CYP24A1: variants seen among roughly 807,000 people sequenced by gnomAD.
CYP24A1 encodes the protein cytochrome P450 family 24 subfamily A member 1.
A neutral mutation model predicts 62.4 loss-of-function variants in CYP24A1; 68 were observed. The observed-to-expected ratio is 1.09, with a 90% CI of 0.90 to 1.33. CYP24A1 has a LOEUF of 1.33. Ranked by LOEUF, CYP24A1 falls within the 40% of genes most tolerant of loss-of-function variation. The pLI is 0.00. For missense variants in CYP24A1, 787 were observed against 653.0 expected (o/e 1.21, Z -2.24); for synonymous variants, 267 against 253.0 (o/e 1.06, Z -0.52).
intron 4 of CYP24A1, among the ~76,000 whole-genome samples, chr20:54,166,091 A>G (rs2092670876): frequency 1.3e-5 from 2 of 152,182 alleles, no homozygotes; most frequent in South Asian, 4.1e-4. Context: ...CACTGTCCTG[A>G]TCAAGTCACA....
rs781002878 is a variant in CYP24A1 at position 54,157,175 on chromosome 20, C to G, written c.*4G>C. The G allele has an allele frequency of 2.0e-6, 3 of 1,491,726 alleles. No individual in the cohort carries two copies. The African/African-American group carries it at 4.2e-5, about 21-fold the overall frequency. The allele number at this position is 1,491,726 out of a possible 1,614,324, so 92.4% of individuals were successfully genotyped here. A position where few individuals can be genotyped will look rare whatever the true frequency, so the allele number is the denominator to read the frequency against. On this transcript the variant is annotated 3_prime_UTR_variant, in exon 11 of 12. Coordinates refer to ENST00000216862, the MANE Select transcript of CYP24A1 (RefSeq NM_000782.5). ...GAACCGCCTAGATGCTCACCTGAGG[C>G]GTATTATCGCTGGCAAAACGCGATG...
Position 54,173,315 on chromosome 20 carries a change from G to A in CYP24A1, c.258+7C>T, listed in dbSNP as rs1401809190. ...GGAGAGAGTCAGGGGCGCGAAAAGG[G>A]GTTTACCAGGGTGTCGTGCTGTTTC... is the stretch of plus-strand genomic sequence containing the variant. On this transcript the variant is annotated splice_region_variant and intron_variant, in intron 1 of 11. Transcript: ENST00000216862. This position sits in a 1 kb window ranked among gnomAD's most constrained non-coding sequence, Gnocchi z 7.2. 5.6e-6 allele frequency: 9 copies of A among 1,607,184 alleles called. No individual in the cohort carries two copies. The Admixed American group carries it at 6.7e-5, about 12-fold the overall frequency.
chr20:54,156,858 T>G (rs1029907816), intron 11 of CYP24A1, among the ~76,000 whole-genome samples: 7 of 152,208 alleles, frequency 4.6e-5, no homozygotes, highest in African/African-American at 1.7e-4. Context: ...GGAAAAAGTT[T>G]GCCAACCCTT....
At chr20:54,155,441 C>T (rs2092624089) in intron 11 of CYP24A1, among the ~76,000 whole-genome samples, 1 of 152,040 alleles carries the variant, frequency 6.6e-6, no homozygotes, top group Non-Finnish European at 1.5e-5. Flanking sequence ...TTACAAATGT[C>T]TTATTTCCAC....
chr20:54,146,146 C>G, the CYP24A1 span, among the ~76,000 whole-genome samples: 1 of 152,146 alleles, frequency 6.6e-6, no homozygotes, highest in African/African-American at 2.4e-5. Flanking sequence ...ACAGTCAGCC[C>G]TTAATCAATG....
chr20:54,159,001 C>T lies in CYP24A1; in HGVS notation c.1113G>A (p.Leu371=). Residue 371 remains leucine, a synonymous_variant, in exon 8 of 12, where the codon TTG becomes TTA. Coordinates refer to ENST00000216862, the MANE Select transcript of CYP24A1 (RefSeq NM_000782.5). ...AGGCTTTTAAATACGGCATATTCCT[C>T]AAATCTTCTGCCCGTGGCACCTGAT... ...PENQVPRAED[L]RNMPYLKACL... is the part of the protein sequence containing the mutation. 3.7e-6 allele frequency: 6 copies of T among 1,614,180 alleles called. No homozygotes were observed. The highest frequency in any genetic ancestry group is 2.7e-5 in the African/African-American group (2 of 75,044).
chr20:54,171,982 G>T, intron 2 of CYP24A1: 2 of 437,274 alleles, frequency 4.6e-6, no homozygotes, highest in Admixed American at 3.6e-5. Context: ...GGAGGCCTGG[G>T]GACAATTCCT....
chr20:54,164,529 G>A lies in CYP24A1; in HGVS notation c.767C>T (p.Pro256Leu). The A allele has an allele frequency of 6.2e-7, 1 of 1,614,100 alleles. No individual in the cohort carries two copies. Among genetic ancestry groups the A allele is most frequent in the South Asian group, 1.1e-5 (1 of 91,076 alleles). Residue 256 changes from proline (P) to leucine (L), a missense_variant, in exon 6 of 12, where the codon CCA becomes CTA. Transcript: ENST00000216862. ...MSTFGRMMVT[P>L]VELHKSLNTK... ...GTTGAGGCTCTTGTGCAGCTCGACT[G>A]GAGTGACCATCATCCTCCCAAACGT...
In CYP24A1 at chr20:54,173,152, G is replaced by A. The variant is rs1430095764; in HGVS notation, c.259-53C>T. Reference sequence around the variant, plus strand: ...TCAGCGCGCATCCTCCGCCGTGCCCGAAGCGCTTTCCCTCCTCCCGCCTCC... The same window carrying A: ...TCAGCGCGCATCCTCCGCCGTGCCCAAAGCGCTTTCCCTCCTCCCGCCTCC... On this transcript the variant is annotated intron_variant, in intron 1 of 11. Transcript: ENST00000216862. The surrounding 1 kb of genome is among the most constrained non-coding windows in gnomAD (Gnocchi z 7.2). 129 of 1,588,962 alleles carry A rather than the reference G, an allele frequency of 8.1e-5. No individual in the cohort carries two copies. The highest frequency in any genetic ancestry group is 1.1e-4 in the Non-Finnish European group (123 of 1,168,956).
intron 7 of CYP24A1, among the ~76,000 whole-genome samples, chr20:54,160,360 A>AT (rs1486100873): frequency 1.3e-5 from 2 of 152,208 alleles, no homozygotes; most frequent in Non-Finnish European, 2.9e-5. Context: ...ATATGTATTT[A>AT]TTTTTTAGGC....
chr20:54,173,551 G>T lies in CYP24A1; in HGVS notation c.29C>A (p.Ser10Ter). The T allele has an allele frequency of 6.3e-7, 1 of 1,582,496 alleles. No homozygotes were observed. The highest frequency in any genetic ancestry group is 1.1e-5 in the South Asian group (1 of 87,630). The change falls in exon 1 of 12, where the codon TCG becomes TAG. Residue 10 changes from serine to a stop codon, truncating the protein, a stop_gained. Transcript: ENST00000216862. LOFTEE classifies it high-confidence loss of function. This position sits in a 1 kb window ranked among gnomAD's most constrained non-coding sequence, Gnocchi z 7.2. ...CAGCTGCTGCAGGAAGGCGGCAAGC[G>T]AGCGGCTCTTGCTGATGGGGGAGCT... MSSPISKSRSLAAFLQQLRS... is the reference protein window; with the variant it reads MSSPISKSR
downstream of CYP24A1, among the ~76,000 whole-genome samples, chr20:54,153,073 T>A (rs185287575): frequency 1.0e-3 from 156 of 152,268 alleles, no homozygotes; most frequent in Admixed American, 2.7e-3. Context: ...AAATGGTTCG[T>A]AACCTCTACC....
At position 54,173,903 on chromosome 20, in the gene CYP24A1, A is replaced by G; in HGVS notation, c.-324T>C. 1 of 446,422 alleles carries G rather than the reference A, an allele frequency of 2.2e-6. No homozygotes were observed. The highest frequency in any genetic ancestry group is 4.1e-6 in the Non-Finnish European group (1 of 244,312). The allele number at this position is 446,422 out of a possible 1,614,324, so 27.7% of individuals were successfully genotyped here. A position where few individuals can be genotyped will look rare whatever the true frequency, so the allele number is the denominator to read the frequency against. Reference sequence around the variant, plus strand: ...CTGTTGGTCCGCAAGGCTGACCTCTAGGGTCTGGCTGGAGCCACGGGGAGG... The same window carrying G: ...CTGTTGGTCCGCAAGGCTGACCTCTGGGGTCTGGCTGGAGCCACGGGGAGG... On this transcript the variant is annotated 5_prime_UTR_variant, in exon 1 of 12. Transcript: ENST00000216862. The surrounding 1 kb of genome is among the most constrained non-coding windows in gnomAD (Gnocchi z 7.2).
At chr20:54,156,597 A>T (rs2092628765) in intron 11 of CYP24A1, among the ~76,000 whole-genome samples, 1 of 152,232 alleles carries the variant, frequency 6.6e-6, no homozygotes, top group Non-Finnish European at 1.5e-5. Context: ...CCCCGACAAC[A>T]CGATAATTTT....
chr20:54,170,783 G>T (rs76524204), intron 3 of CYP24A1, among the ~76,000 whole-genome samples: 1 of 152,022 alleles, frequency 6.6e-6, no homozygotes, highest in Non-Finnish European at 1.5e-5. Flanking sequence ...AGTCATGTGA[G>T]CCCTGGAAGC....
intron 3 of CYP24A1, among the ~76,000 whole-genome samples, chr20:54,170,009 A>G (rs952360585): frequency 6.6e-6 from 1 of 152,138 alleles, no homozygotes. Flanking sequence ...GAATAAAACC[A>G]CAAAGGAATC....
At chr20:54,150,616 G>A (rs1304418926), downstream of CYP24A1, among the ~76,000 whole-genome samples, 1 of 152,082 alleles carries the variant, frequency 6.6e-6, no homozygotes, top group Admixed American at 6.5e-5. Flanking sequence ...ATGAGCCACC[G>A]TGCCCAGCCA....
Position 54,169,677 on chromosome 20 carries a change from A to G in CYP24A1, c.555T>C (p.Asp185=), listed in dbSNP as rs769239553. ...LDNKINEVLA[D]FMGRIDELCD... ...AGAGCTCATCTATTCTGCCCATAAA[A>G]TCGGCCAAGACCTTCAAAGAAAACA... The change falls in exon 4 of 12, where the codon GAT becomes GAC. Residue 185 remains aspartate (D), a synonymous_variant. Coordinates refer to ENST00000216862, the MANE Select transcript of CYP24A1 (RefSeq NM_000782.5). The G allele has an allele frequency of 8.1e-6, 13 of 1,614,030 alleles. No individual in the cohort carries two copies. The South Asian group carries it at 1.2e-4, about 15-fold the overall frequency.
intron 6 of CYP24A1, among the ~76,000 whole-genome samples, chr20:54,164,031 G>C (rs954487253): frequency 2.6e-5 from 4 of 152,136 alleles, no homozygotes; most frequent in Non-Finnish European, 5.9e-5. Context: ...CGCCTCCCAG[G>C]TTCAAGCAAT....
Sources: allele counts gnomAD v4.1 joint callset (sites outside exome capture counted in the v4.1 genomes callset), GRCh38; gene constraint gnomAD v4.1.1; non-coding constraint Gnocchi (gnomAD v3.1); transcripts MANE v1.5; gene names NCBI Gene and HGNC (gene_info 2026-07-23, HGNC 2026-07-21).